The following TATDN1 variants were observed in gnomAD, a reference collection of about 807,000 sequenced individuals.
The protein encoded by TATDN1 is TatD DNase domain containing 1, also known as deoxyribonuclease TATDN1.
TATDN1 carries 40 observed loss-of-function variants against 46.4 expected under a neutral mutation model. The observed-to-expected ratio is 0.86, with a 90% CI of 0.67 to 1.12. The LOEUF (loss-of-function observed/expected upper bound fraction) is 1.12, where lower values mean the gene tolerates loss of function less well. Among genes scored for constraint, TATDN1 ranks in the 50% most tolerant of loss-of-function variants. The probability of loss-of-function intolerance (pLI) is 0.00; values close to 1 mark genes in which losing one functional copy is unlikely to be tolerated. For synonymous variants in TATDN1, 95 were observed against 105.6 expected (o/e 0.90, Z 0.62); for missense variants, 326 against 348.4 (o/e 0.94, Z 0.51).
At chr8:124,489,414 CTTT>C (rs1816738993) in intron 11 of TATDN1, 1 of 112,734 alleles carries the variant, frequency 8.9e-6, no homozygotes, top group African/African-American at 3.3e-5. Context: ...TTTTTTTTTT[CTTT>C]TTTCTTTCTT....
At chr8:124,517,350 C>T (rs778736212) in intron 4 of TATDN1, among the ~76,000 whole-genome samples, 2 of 151,662 alleles carry the variant, frequency 1.3e-5, no homozygotes, top group Non-Finnish European at 2.9e-5. Context: ...ATCACTTGTA[C>T]CCAGGAGGCA....
intron 4 of TATDN1, among the ~76,000 whole-genome samples, chr8:124,517,139 G>A (rs1819543257): frequency 1.3e-5 from 2 of 152,180 alleles, no homozygotes; most frequent in Admixed American, 6.5e-5. Context: ...CTAACAAAAA[G>A]TGTCAATGGG....
chr8:124,517,167 C>A (rs1036798901), intron 4 of TATDN1, among the ~76,000 whole-genome samples: 1 of 152,174 alleles, frequency 6.6e-6, no homozygotes, highest in African/African-American at 2.4e-5. Context: ...AGGTGGCTTA[C>A]GCCTGTAATC....
chr8:124,494,073 G>A (rs1817252407), intron 10 of TATDN1, 114 bp from the exon 11 acceptor site: 3 of 1,021,732 alleles, frequency 2.9e-6, no homozygotes, highest in Middle Eastern at 3.2e-4. Flanking sequence ...TTCCAAAATG[G>A]CACAGTTATT....
At chr8:124,513,399 T>A (rs1296975950) in intron 6 of TATDN1, among the ~76,000 whole-genome samples, 2 of 152,364 alleles carry the variant, frequency 1.3e-5, no homozygotes, top group Non-Finnish European at 1.5e-5. Context: ...GCTGTTCACA[T>A]ACTTTAGTAA....
intron 11 of TATDN1, chr8:124,491,755 G>T (rs2131333092): frequency 6.6e-6 from 1 of 152,218 alleles, no homozygotes; most frequent in African/African-American, 2.4e-5. Flanking sequence ...ATATCTAAAA[G>T]ACCTCTATAA....
chr8:124,533,347 T>A (rs1293456115), intron 1 of TATDN1, among the ~76,000 whole-genome samples: 1 of 151,904 alleles, frequency 6.6e-6, no homozygotes, highest in Non-Finnish European at 1.5e-5. Context: ...AGGAGGTCAA[T>A]CAACTGGCTT....
intron 8 of TATDN1, among the ~76,000 whole-genome samples, chr8:124,504,998 G>A (rs1207347534): frequency 1.3e-5 from 2 of 149,934 alleles, no homozygotes; most frequent in Non-Finnish European, 1.5e-5. Context: ...CAGGTGATTC[G>A]CCCGCCTCGG....
At chr8:124,519,380 G>C (rs752710616) in intron 3 of TATDN1, among the ~76,000 whole-genome samples, 2 of 152,048 alleles carry the variant, frequency 1.3e-5, no homozygotes, top group Non-Finnish European at 2.9e-5. Flanking sequence ...GAAGCTACAC[G>C]ATGTTTGACA....
At chr8:124,516,917 G>C (rs1015638278) in intron 4 of TATDN1, among the ~76,000 whole-genome samples, 20 of 152,130 alleles carry the variant, frequency 1.3e-4, no homozygotes, top group African/African-American at 4.3e-4. Flanking sequence ...AAGGTATCAA[G>C]CTTTCCTCAG....
At chr8:124,521,345 T>G (rs1820027645) in intron 3 of TATDN1, among the ~76,000 whole-genome samples, 1 of 152,186 alleles carries the variant, frequency 6.6e-6, no homozygotes, top group South Asian at 2.1e-4. Context: ...AACATTAAGA[T>G]TACTCATGGC....
intron 6 of TATDN1, among the ~76,000 whole-genome samples, chr8:124,511,937 G>C (rs1291518670): frequency 6.6e-6 from 1 of 152,094 alleles, no homozygotes; most frequent in Non-Finnish European, 1.5e-5. Context: ...TGACACCAAA[G>C]GCAGTTGTAA....
At chr8:124,516,950 A>G (rs1563672797) in intron 4 of TATDN1, among the ~76,000 whole-genome samples, 1 of 152,344 alleles carries the variant, frequency 6.6e-6, no homozygotes, top group East Asian at 1.9e-4. Flanking sequence ...ATGTTTAGAA[A>G]AAAAGGAAGC....
At chr8:124,522,050 C>A (rs1245149590) in intron 3 of TATDN1, 101 bp downstream of exon 3, 8 of 714,492 alleles carry the variant, frequency 1.1e-5, no homozygotes, top group Admixed American at 5.5e-5. Context: ...TGTACCCCAA[C>A]TGTGGCATTG....
intron 9 of TATDN1, among the ~76,000 whole-genome samples, chr8:124,502,298 G>T (rs1365839751): frequency 6.8e-6 from 1 of 147,520 alleles, no homozygotes; most frequent in Admixed American, 6.8e-5. Context: ...CCAAGATCGC[G>T]CCACTGCACT....
At chr8:124,500,169 T>C (rs1472385204) in intron 9 of TATDN1, among the ~76,000 whole-genome samples, 2 of 152,044 alleles carry the variant, frequency 1.3e-5, no homozygotes, top group African/African-American at 4.8e-5. Context: ...GGGGGAAAAA[T>C]TCTAATTTAA....
At chr8:124,529,834 G>A (rs2131555758) in intron 1 of TATDN1, among the ~76,000 whole-genome samples, 1 of 152,122 alleles carries the variant, frequency 6.6e-6, no homozygotes, top group East Asian at 1.9e-4. Context: ...GCTCATGTCT[G>A]TAATCCCAGC....
chr8:124,538,901 C>T (rs527288308), intron 1 of TATDN1, 124 bp downstream of exon 1: 1 of 1,135,470 alleles, frequency 8.8e-7, no homozygotes, highest in Admixed American at 2.0e-5. Flanking sequence ...GCGCCCTCCT[C>T]CACTGAGCGG....
chr8:124,522,223 T>C lies in TATDN1; in HGVS notation c.89-23A>G, dbSNP rs776702049. 14 of 1,527,882 alleles carry C rather than the reference T, an allele frequency of 9.2e-6. No homozygotes were observed. The South Asian group carries it at 1.5e-4, about 16-fold the overall frequency. 94.6% of individuals were successfully genotyped at this position (1,527,882 alleles called of 1,614,324 possible). ...CATCTGTAAAAGATAAACTCTGTATTATGAAAACCTGGCAGACAAAAATTT... is the reference window on the plus strand; with the variant it reads ...CATCTGTAAAAGATAAACTCTGTATCATGAAAACCTGGCAGACAAAAATTT... On this transcript the variant is annotated intron_variant, in intron 2 of 11. Coordinates refer to ENST00000276692, the MANE Select transcript of TATDN1 (RefSeq NM_032026.4).
Sources: allele counts gnomAD v4.1 joint callset (sites outside exome capture counted in the v4.1 genomes callset), GRCh38; gene constraint gnomAD v4.1.1; transcripts MANE v1.5; gene names NCBI Gene and HGNC (gene_info 2026-07-23, HGNC 2026-07-21).